The following CHIA variants were observed in gnomAD, a reference collection of about 807,000 sequenced individuals.
CHIA encodes the protein acidic mammalian chitinase.
A neutral mutation model predicts 53.5 loss-of-function variants in CHIA; 47 were observed. The ratio of observed to expected loss-of-function variants is 0.88; its 90% CI spans 0.70 to 1.12. The LOEUF is 1.12. Ranked by LOEUF, CHIA falls within the 50% of genes most tolerant of loss-of-function variation. The pLI is 0.00. For synonymous variants in CHIA, 268 were observed against 222.2 expected (o/e 1.21, Z -1.83); for missense variants, 652 against 592.2 (o/e 1.10, Z -1.05).
chr1:111,320,116 C>A, intron 11 of CHIA, 97 bp from the exon 12 acceptor site: 1 of 1,120,044 alleles, frequency 8.9e-7, no homozygotes, highest in Non-Finnish European at 1.3e-6. Flanking sequence ...CTGCACCCCA[C>A]CTCCACACTT....
chr1:111,292,049 A>G (rs1661057121), intron 1 of CHIA, among the ~76,000 whole-genome samples: 1 of 152,204 alleles, frequency 6.6e-6, no homozygotes, highest in African/African-American at 2.4e-5. Flanking sequence ...TATTTGAAAC[A>G]TGTAAGGTAT....
intron 1 of CHIA, among the ~76,000 whole-genome samples, chr1:111,294,827 G>A (rs1661243127): frequency 6.6e-6 from 1 of 152,084 alleles, no homozygotes; most frequent in African/African-American, 2.4e-5. Flanking sequence ...TTAATGTGGT[G>A]TATTACATTC....
intron 3 of CHIA, 122 bp downstream of exon 3, chr1:111,311,840 T>A: frequency 9.6e-7 from 1 of 1,045,368 alleles, no homozygotes; most frequent in Non-Finnish European, 1.5e-6. Context: ...AATCTAGTGT[T>A]TTGGATTGGC....
At position 111,319,484 on chromosome 1, in the gene CHIA, G is replaced by A. The variant is rs1159605610; in HGVS notation, c.1177+16G>A. The A allele has an allele frequency of 1.2e-6, 2 of 1,612,296 alleles. No homozygotes were observed. The highest frequency in any genetic ancestry group is 1.1e-5 in the South Asian group (1 of 90,998). On this transcript the variant is annotated intron_variant, in intron 11 of 11. Transcript: ENST00000369740. Reference sequence around the variant, plus strand: ...CAGAGTGCAAGTAAGTGACTGAGGGGGAATGCCCAGGTGTATAAATACCCC... The same window carrying A: ...CAGAGTGCAAGTAAGTGACTGAGGGAGAATGCCCAGGTGTATAAATACCCC...
At chr1:111,297,487 T>G (rs1647264770) in intron 1 of CHIA, among the ~76,000 whole-genome samples, 1 of 152,092 alleles carries the variant, frequency 6.6e-6, no homozygotes, top group African/African-American at 2.4e-5. Context: ...GCTTCATAAG[T>G]GAAGGAGAAA....
At chr1:111,312,978 G>T (rs532599070) in intron 4 of CHIA, among the ~76,000 whole-genome samples, 2 of 152,102 alleles carry the variant, frequency 1.3e-5, no homozygotes, top group Non-Finnish European at 2.9e-5. Flanking sequence ...CAAATGACAG[G>T]ATTTCTGCCT....
In CHIA at chr1:111,298,143, TG is replaced by T. The variant is rs1054718049; in HGVS notation, c.-69+7196del. Among the ~76,000 whole-genome samples the T allele has an allele frequency of 6.9e-4, 105 of 152,208 alleles. 1 individual carries two copies. Among genetic ancestry groups the T allele is most frequent in the African/African-American group, 2.4e-3 (101 of 41,520 alleles). On this transcript the variant is annotated intron_variant, in intron 1 of 11. Coordinates refer to ENST00000369740, the MANE Select transcript of CHIA (RefSeq NM_201653.4). ...GACTTAGACTCCCACACAATAATAA[TG>T]GGAGACTTTAACAACCCACTGCCAA... is the stretch of plus-strand genomic sequence containing the variant.
intron 1 of CHIA, among the ~76,000 whole-genome samples, chr1:111,297,901 C>CAAAAAAAAAAAGAAA (rs1647316707): frequency 3.1e-5 from 1 of 31,854 alleles, no homozygotes; most frequent in Non-Finnish European, 5.0e-5. Flanking sequence ...AAATGGAAAG[C>CAAAAAAAAAAAGAAA]AAAAAAAAAA....
chr1:111,316,125 G>C (rs1178328749), intron 6 of CHIA: 3 of 251,620 alleles, frequency 1.2e-5, no homozygotes, highest in Non-Finnish European at 2.4e-5. Flanking sequence ...GAAAGAAACT[G>C]GTGTTAACCA....
chr1:111,314,990 G>A (rs2786153), intron 5 of CHIA: 232,082 of 414,640 alleles, frequency 0.56, 67,297 homozygotes, highest in African/African-American at 0.72. Flanking sequence ...TGTTTGGGGA[G>A]GGAACACAGT....
intron 11 of CHIA, 85 bp downstream of exon 11, chr1:111,319,553 C>A: frequency 1.5e-6 from 2 of 1,314,172 alleles, no homozygotes; most frequent in Non-Finnish European, 2.1e-6. Context: ...CCACCTCCCC[C>A]TTGCCCAGGG....
intron 1 of CHIA, among the ~76,000 whole-genome samples, chr1:111,302,474 T>C (rs1647835171): frequency 1.3e-5 from 2 of 152,214 alleles, no homozygotes; most frequent in African/African-American, 4.8e-5. Flanking sequence ...CATTTCTAAG[T>C]ATTTTTAAAT....
intron 1 of CHIA, among the ~76,000 whole-genome samples, chr1:111,308,265 T>C (rs1648357153): frequency 1.3e-5 from 2 of 152,220 alleles, no homozygotes; most frequent in African/African-American, 4.8e-5. Context: ...CTACACCCTA[T>C]AGTCCTGAAT....
intron 1 of CHIA, among the ~76,000 whole-genome samples, chr1:111,299,155 A>T (rs1647486431): frequency 6.6e-6 from 1 of 152,198 alleles, no homozygotes; most frequent in Non-Finnish European, 1.5e-5. Flanking sequence ...ATTCTACCAG[A>T]TGTACAAAGA....
At chr1:111,294,161 T>C (rs1184536420) in intron 1 of CHIA, among the ~76,000 whole-genome samples, 2 of 152,210 alleles carry the variant, frequency 1.3e-5, no homozygotes, top group African/African-American at 4.8e-5. Flanking sequence ...TTGGGTAGTA[T>C]AGACATTTTA....
At chr1:111,318,781 T>G in intron 9 of CHIA, 103 bp downstream of exon 9, 1 of 1,283,190 alleles carries the variant, frequency 7.8e-7, no homozygotes, top group Non-Finnish European at 1.1e-6. Flanking sequence ...CCTACCTAAA[T>G]GCTTTAAACA....
chr1:111,318,855 G>A (rs1474102554), intron 9 of CHIA, among the ~76,000 whole-genome samples, 177 bp downstream of exon 9: 2 of 152,170 alleles, frequency 1.3e-5, no homozygotes, highest in African/African-American at 4.8e-5. Context: ...ATTTAACAAT[G>A]CATAATATCC....
In CHIA at chr1:111,312,372, T is replaced by G. The variant is rs1171080140; in HGVS notation, c.238T>G (p.Phe80Val). The G allele has an allele frequency of 1.2e-6, 2 of 1,614,018 alleles. No homozygotes were observed. The highest frequency in any genetic ancestry group is 2.7e-5 in the African/African-American group (2 of 75,038). ...EWNDVTLYQA[F>V]NGLKNKNSQL... ...GAATGATGTGACTCTCTACCAAGCT[T>G]TCAATGGCCTGAAAAATAAGTAGGA... is the stretch of plus-strand genomic sequence containing the variant. The change falls in exon 4 of 12, where the codon TTC (phenylalanine) becomes GTC (valine). Residue 80 changes from phenylalanine (F) to valine (V), a missense_variant. By Grantham distance (50) the Phe-to-Val change is conservative. Transcript: ENST00000369740.
intron 1 of CHIA, among the ~76,000 whole-genome samples, chr1:111,301,667 A>T (rs1490472612): frequency 2.1e-5 from 3 of 145,316 alleles, no homozygotes; most frequent in Admixed American, 7.4e-5. Context: ...GTGCCACTGC[A>T]CTCCAGCAGC....
Sources: gnomAD v4.1 joint callset for allele counts (sites outside exome capture counted in the v4.1 genomes callset) on GRCh38, gnomAD v4.1.1 for gene constraint, MANE v1.5 for transcripts, NCBI Gene and HGNC (gene_info 2026-07-23, HGNC 2026-07-21) for gene names.